Variants in MAD1L1 observed in about 807,000 individuals in gnomAD.
The protein encoded by MAD1L1 is mitotic arrest deficient 1 like 1, also known as mitotic spindle assembly checkpoint protein MAD1.
Under a neutral mutation model 96.9 loss-of-function variants are expected in MAD1L1, and 95 were observed. The ratio of observed to expected loss-of-function variants is 0.98; its 90% CI spans 0.83 to 1.16. The LOEUF (loss-of-function observed/expected upper bound fraction) is 1.16. MAD1L1 is among the 50% of genes most tolerant of loss of function. The pLI is 0.00. For missense variants in MAD1L1, 1,007 were observed against 954.4 expected, an observed-to-expected ratio of 1.06 and a Z score of -0.73; for synonymous variants, 473 against 396.6, an observed-to-expected ratio of 1.19 and a Z score of -2.29.
At chr7:2,203,543 A>T (rs919839644) in intron 10 of MAD1L1, among the ~76,000 whole-genome samples, 1 of 152,218 alleles carries the variant, frequency 6.6e-6, no homozygotes, top group Non-Finnish European at 1.5e-5. Context: ...TAGCATGGCT[A>T]ATTGGGGAAA....
Position 1,898,396 on chromosome 7 carries a change from G to A in MAD1L1, c.1808-6C>T. The A allele has an allele frequency of 1.2e-6, 2 of 1,613,330 alleles. No individual in the cohort carries two copies. The highest frequency in any genetic ancestry group is 1.7e-6 in the Non-Finnish European group (2 of 1,179,598). On this transcript the variant is annotated splice_region_variant and splice_polypyrimidine_tract_variant and intron_variant, in intron 17 of 18. Coordinates refer to ENST00000265854, the MANE Select transcript of MAD1L1 (RefSeq NM_001013836.2). ...CTCCACCTGCTTCTTCAGCTCTGCGGGAGGGACGGAAGGAGACAGTGAGTG... is the reference window on the plus strand; with the variant it reads ...CTCCACCTGCTTCTTCAGCTCTGCGAGAGGGACGGAAGGAGACAGTGAGTG...
chr7:2,032,936 C>T (rs4719402), intron 12 of MAD1L1, among the ~76,000 whole-genome samples: 3 of 152,132 alleles, frequency 2.0e-5, no homozygotes, highest in South Asian at 2.1e-4. Context: ...GGGGGCAAGG[C>T]GCCCCCGCAG....
intron 10 of MAD1L1, among the ~76,000 whole-genome samples, chr7:2,203,248 T>C (rs138998995): frequency 7.1e-4 from 108 of 152,366 alleles, no homozygotes; most frequent in African/African-American, 2.4e-3. Flanking sequence ...CCCACTCCCT[T>C]CCTATTTCAT....
Position 1,816,136 on chromosome 7 carries a change from C to T in MAD1L1, c.2091G>A (p.Gln697=). The change falls in exon 19 of 19, where the codon CAG becomes CAA. Residue 697 remains glutamine (Q), a synonymous_variant. Transcript: ENST00000265854. ...AGCTGAGGAAGGCAGGGATGCTGTC[C>T]TGGCGCCGCAGGTGCACCTCGATGA... ...GELIEVHLRR[Q]DSIPAFLSSL... 1 of 1,613,250 alleles carries T rather than the reference C, an allele frequency of 6.2e-7. No homozygotes were observed. The highest frequency in any genetic ancestry group is 8.5e-7 in the Non-Finnish European group (1 of 1,179,888).
At chr7:1,987,269 C>T (rs868622530) in intron 14 of MAD1L1, among the ~76,000 whole-genome samples, 9 of 152,222 alleles carry the variant, frequency 5.9e-5, no homozygotes, top group South Asian at 2.1e-4. Flanking sequence ...CTGGAGGAGA[C>T]GTGGTAACCA....
chr7:1,994,532 C>G (rs887685301), intron 14 of MAD1L1, among the ~76,000 whole-genome samples: 3 of 152,178 alleles, frequency 2.0e-5, no homozygotes, highest in Non-Finnish European at 4.4e-5. Context: ...GGGCAGTGAG[C>G]GCCCACCGGG....
intron 10 of MAD1L1, among the ~76,000 whole-genome samples, chr7:2,208,953 C>G (rs972690414): frequency 9.2e-5 from 14 of 152,182 alleles, no homozygotes; most frequent in African/African-American, 3.4e-4. Flanking sequence ...CTCAGCCCAA[C>G]TTCCAGCACC....
chr7:1,856,011 G>A (rs2128644072), intron 18 of MAD1L1, among the ~76,000 whole-genome samples: 1 of 152,336 alleles, frequency 6.6e-6, no homozygotes, highest in Middle Eastern at 3.4e-3. Context: ...TCCTCGCGGT[G>A]CGCTCACGTG....
intron 4 of MAD1L1, among the ~76,000 whole-genome samples, chr7:2,223,177 C>T (rs1451843368): frequency 1.3e-5 from 2 of 152,186 alleles, no homozygotes; most frequent in Non-Finnish European, 2.9e-5. Flanking sequence ...ACTCCCCCAG[C>T]GAGCAGACAA....
chr7:2,194,427 C>T (rs1791883535), intron 10 of MAD1L1, among the ~76,000 whole-genome samples: 1 of 152,208 alleles, frequency 6.6e-6, no homozygotes, highest in Non-Finnish European at 1.5e-5. Context: ...TCTACAGCAG[C>T]TTTTGCACTA....
chr7:2,145,170 C>T (rs926492224), intron 11 of MAD1L1, among the ~76,000 whole-genome samples: 3 of 152,230 alleles, frequency 2.0e-5, no homozygotes, highest in African/African-American at 7.2e-5. Context: ...GTCCCGGGGA[C>T]TGCCGAGAGC....
At chr7:1,938,949 C>G (rs1471564643) in intron 16 of MAD1L1, among the ~76,000 whole-genome samples, 2 of 128,368 alleles carry the variant, frequency 1.6e-5, no homozygotes, top group Non-Finnish European at 3.2e-5. Context: ...GGACCGGGAC[C>G]AGAGGCGCAC....
At chr7:2,092,441 G>A (rs183650074) in intron 11 of MAD1L1, among the ~76,000 whole-genome samples, 6 of 151,700 alleles carry the variant, frequency 4.0e-5, no homozygotes, top group Non-Finnish European at 7.4e-5. Flanking sequence ...CCTCCCTCAC[G>A]CATCTGCCCT....
rs925768476 is a variant in MAD1L1, at chr7:2,146,533, C to T, written c.1073+2619G>A. 1.3e-5 allele frequency among the ~76,000 whole-genome samples: 2 copies of T among 152,170 alleles called. No homozygotes were observed. The highest frequency in any genetic ancestry group is 2.9e-5 in the Non-Finnish European group (2 of 68,040). On this transcript the variant is annotated intron_variant, in intron 11 of 18. Transcript: ENST00000265854. This position sits in a 1 kb window ranked among gnomAD's most constrained non-coding sequence, Gnocchi z 6.2. ...GGTAAAAACTGCAGAGGAGAACATA[C>T]GTGGTCACAAGCACGTGCCCGCTGG... is the stretch of plus-strand genomic sequence containing the variant.
At chr7:2,098,284 C>T (rs1786600264) in intron 11 of MAD1L1, among the ~76,000 whole-genome samples, 1 of 152,244 alleles carries the variant, frequency 6.6e-6, no homozygotes, top group African/African-American at 2.4e-5. Context: ...GGCCTCTGCG[C>T]AGAAGGCGCA....
intron 10 of MAD1L1, among the ~76,000 whole-genome samples, chr7:2,187,666 G>C (rs1490580296): frequency 2.0e-5 from 3 of 152,178 alleles, no homozygotes; most frequent in Admixed American, 6.5e-5. Context: ...CCCTTGATAA[G>C]ATCTCAACAT....
At chr7:1,887,847 G>GTGTGTGTGCA (rs1491357331) in intron 18 of MAD1L1, among the ~76,000 whole-genome samples, 42 of 34,560 alleles carry the variant, frequency 1.2e-3, no homozygotes, top group South Asian at 9.0e-3. Flanking sequence ...GGCGTCCTGT[G>GTGTGTGTGCA]CGTGTGTGTG....
intron 18 of MAD1L1, among the ~76,000 whole-genome samples, chr7:1,854,155 C>T (rs1488851246): frequency 2.0e-5 from 3 of 152,120 alleles, no homozygotes. Context: ...CCTGGGGCAC[C>T]TCCACCCCCG....
intron 11 of MAD1L1, among the ~76,000 whole-genome samples, chr7:2,077,692 G>A (rs1361521674): frequency 1.3e-5 from 2 of 152,232 alleles, no homozygotes; most frequent in Non-Finnish European, 2.9e-5. Context: ...GAGGCGCGCG[G>A]GAGCAGGAGA....
Sources: allele counts gnomAD v4.1 joint callset (sites outside exome capture counted in the v4.1 genomes callset), GRCh38; gene constraint gnomAD v4.1.1; non-coding constraint Gnocchi (gnomAD v3.1); transcripts MANE v1.5; gene names NCBI Gene and HGNC (gene_info 2026-07-23, HGNC 2026-07-21).